TMEM178B: variants seen among roughly 807,000 people sequenced by gnomAD.
TMEM178B encodes transmembrane protein 178B.
In TMEM178B, 5 loss-of-function variants were observed where a neutral mutation model predicts 31.0. The observed-to-expected ratio is 0.16, with a 90% CI of 0.08 to 0.34. TMEM178B has a LOEUF of 0.34. TMEM178B is among the 10% of genes least tolerant of loss of function. The pLI, the probability that TMEM178B is intolerant of heterozygous loss-of-function variation, is 1.00. For missense variants in TMEM178B, 275 were observed against 400.3 expected, an observed-to-expected ratio of 0.69 and a Z score of 2.67; for synonymous variants, 164 against 164.0, an observed-to-expected ratio of 1.00 and a Z score of 0.00.
intron 1 of TMEM178B, among the ~76,000 whole-genome samples, chr7:141,087,541 G>C (rs566417194): frequency 6.6e-6 from 1 of 152,132 alleles, no homozygotes; most frequent in South Asian, 2.1e-4. Flanking sequence ...AGCTATTGAG[G>C]GTGTGAGACA....
intron 1 of TMEM178B, among the ~76,000 whole-genome samples, chr7:141,193,702 C>A (rs1796733840): frequency 1.3e-5 from 2 of 152,190 alleles, no homozygotes; most frequent in African/African-American, 4.8e-5. Context: ...CCACCCTACC[C>A]ATGTCTGCAG....
chr7:141,476,362 A>G lies in TMEM178B; in HGVS notation c.*5576A>G, dbSNP rs1802364549. Reference sequence around the variant, plus strand: ...AGTTATTCCCAGAGGTGACAGAATGAGTAAACCATATGGGGCAAATAGCAT... The same window carrying G: ...AGTTATTCCCAGAGGTGACAGAATGGGTAAACCATATGGGGCAAATAGCAT... On this transcript the variant is annotated 3_prime_UTR_variant, in exon 4 of 4. Coordinates refer to ENST00000565468, the MANE Select transcript of TMEM178B (RefSeq NM_001195278.2). 6.6e-6 allele frequency: 1 copy of G among 152,220 alleles called. No homozygotes were observed. Among genetic ancestry groups the G allele is most frequent in the African/African-American group, 2.4e-5 (1 of 41,450 alleles). 9.4% of individuals were successfully genotyped at this position (152,220 alleles called of 1,614,324 possible). A position where few individuals can be genotyped will look rare whatever the true frequency, so the allele number is the denominator to read the frequency against.
chr7:141,435,076 C>G lies in TMEM178B; in HGVS notation c.497-2532C>G, dbSNP rs77584112. On this transcript the variant is annotated intron_variant, in intron 2 of 3. Coordinates refer to ENST00000565468, the MANE Select transcript of TMEM178B (RefSeq NM_001195278.2). ...GAAACAGAATAGAGAACCCAGAAAT[C>G]CACATATTTATAGCCAACTGATTTT... Among the ~76,000 whole-genome samples the G allele has an allele frequency of 8.3e-3, 1,263 of 152,248 alleles. 9 individuals are homozygous for G. The highest frequency in any genetic ancestry group is 0.012 in the Non-Finnish European group (835 of 68,020).
rs567255746 is a variant in TMEM178B, at chr7:141,462,554, G to C, written c.635-7982G>C. On this transcript the variant is annotated intron_variant, in intron 3 of 3. Transcript: ENST00000565468. ...GGACTGAGGGGGAAGCCTGGAGCCA[G>C]GGCAGCTTGGAAACCGAGGAAAGAG... 5.9e-5 allele frequency among the ~76,000 whole-genome samples: 9 copies of C among 152,076 alleles called. No individual in the cohort carries two copies. The South Asian group carries it at 1.9e-3, about 32-fold the overall frequency.
intron 3 of TMEM178B, among the ~76,000 whole-genome samples, chr7:141,444,906 G>A (rs1411619069): frequency 6.6e-6 from 1 of 151,980 alleles, no homozygotes; most frequent in East Asian, 1.9e-4. Context: ...CTTCTAAGTG[G>A]GTGCCAGTAT....
chr7:141,078,837 T>TG (rs140938174), intron 1 of TMEM178B, among the ~76,000 whole-genome samples: 14,762 of 151,822 alleles, frequency 0.097, 820 homozygotes, highest in Non-Finnish European at 0.12. Context: ...GCCTTGTGAG[T>TG]GTTGATTTCT....
chr7:141,131,815 T>TAAAA (rs1456276035), intron 1 of TMEM178B, among the ~76,000 whole-genome samples: 27 of 152,290 alleles, frequency 1.8e-4, no homozygotes, highest in Middle Eastern at 3.4e-3. Context: ...GGTAAATTCC[T>TAAAA]AAAAGTGGGA....
intron 1 of TMEM178B, among the ~76,000 whole-genome samples, chr7:141,183,888 C>G: frequency 6.6e-6 from 1 of 152,190 alleles, no homozygotes; most frequent in East Asian, 1.9e-4. Context: ...GGCATGCGGC[C>G]TCCTTGGTGT....
intron 1 of TMEM178B, among the ~76,000 whole-genome samples, chr7:141,159,993 T>C (rs917320757): frequency 6.7e-6 from 1 of 148,210 alleles, no homozygotes; most frequent in Admixed American, 6.8e-5. Context: ...TTATTTTATA[T>C]ATATATATAA....
chr7:141,316,705 G>A (rs893394058), intron 2 of TMEM178B, among the ~76,000 whole-genome samples: 4 of 152,364 alleles, frequency 2.6e-5, no homozygotes, highest in African/African-American at 9.6e-5. Context: ...GGGGTTCATA[G>A]ACAGGTGTCT....
In TMEM178B at chr7:141,344,574, CCCTTCCTTCCTTCCTTCCTTCCTT is replaced by C. The variant is rs34831263; in HGVS notation, c.497-93002_497-92979del. Among the ~76,000 whole-genome samples, 66 of 137,316 alleles carry C rather than the reference CCCTTCCTTCCTTCCTTCCTTCCTT, an allele frequency of 4.8e-4. No individual in the cohort carries two copies. The highest frequency in any genetic ancestry group is 1.0e-3 in the African/African-American group (37 of 36,154). 90.1% of individuals were successfully genotyped at this position (137,316 alleles called of 152,430 possible). ...CTCCCTCCCTCCATTCCTCCCTCCT[CCCTTCCTTCCTTCCTTCCTTCCTT>C]CCTTCCTTCCTTCCTTCCTTCCTTC... On this transcript the variant is annotated intron_variant, in intron 2 of 3. Transcript: ENST00000565468. This position sits in a 1 kb window ranked among gnomAD's most constrained non-coding sequence, Gnocchi z 4.1.
intron 1 of TMEM178B, among the ~76,000 whole-genome samples, chr7:141,116,784 G>GT (rs1267316037): frequency 2.0e-5 from 3 of 152,078 alleles, no homozygotes; most frequent in Non-Finnish European, 4.4e-5. Context: ...TTCTGTTCCT[G>GT]TGTTAGTTTG....
chr7:141,430,988 C>T (rs2099717419), intron 2 of TMEM178B, among the ~76,000 whole-genome samples: 1 of 152,186 alleles, frequency 6.6e-6, no homozygotes, highest in African/African-American at 2.4e-5. Context: ...CAGCAGACCT[C>T]CCCAGGAGGT....
chr7:141,124,236 G>A (rs1453132281), intron 1 of TMEM178B, among the ~76,000 whole-genome samples: 3 of 152,120 alleles, frequency 2.0e-5, no homozygotes, highest in Non-Finnish European at 4.4e-5. Flanking sequence ...GCGTGGTGGT[G>A]TGGGCCTGCA....
intron 1 of TMEM178B, among the ~76,000 whole-genome samples, chr7:141,186,944 T>A (rs1045138820): frequency 2.6e-5 from 4 of 152,132 alleles, no homozygotes; most frequent in African/African-American, 9.7e-5. Context: ...TTTTTAAAAA[T>A]TTTATTATTA....
chr7:141,218,291 G>A (rs1797194778), intron 2 of TMEM178B, among the ~76,000 whole-genome samples: 1 of 152,162 alleles, frequency 6.6e-6, no homozygotes, highest in Non-Finnish European at 1.5e-5. Context: ...CAGCCTGGCT[G>A]GCAGAGGGAG....
At chr7:141,077,984 A>G (rs1206703644) in intron 1 of TMEM178B, among the ~76,000 whole-genome samples, 1 of 152,228 alleles carries the variant, frequency 6.6e-6, no homozygotes, top group Non-Finnish European at 1.5e-5. Flanking sequence ...ATGATGGATA[A>G]GGTTTTAATT....
intron 3 of TMEM178B, among the ~76,000 whole-genome samples, chr7:141,464,134 C>T (rs900256478): frequency 1.3e-5 from 2 of 152,162 alleles, no homozygotes; most frequent in Non-Finnish European, 1.5e-5. Flanking sequence ...GCCGTCTTAC[C>T]GCAGGCACAG....
chr7:141,494,153 A>G, the TMEM178B span, among the ~76,000 whole-genome samples: 1 of 152,194 alleles, frequency 6.6e-6, no homozygotes, highest in Non-Finnish European at 1.5e-5. Context: ...TTCTATCTCT[A>G]CTTCATTTTG....
Sources: gnomAD v4.1 joint callset for allele counts (sites outside exome capture counted in the v4.1 genomes callset) on GRCh38, gnomAD v4.1.1 for gene constraint, Gnocchi (gnomAD v3.1) non-coding constraint, MANE v1.5 for transcripts, NCBI Gene and HGNC (gene_info 2026-07-23, HGNC 2026-07-21) for gene names.